Variants in PPARGC1A observed in about 807,000 individuals in gnomAD.
PPARGC1A encodes peroxisome proliferator-activated receptor gamma coactivator 1-alpha.
Under a neutral mutation model 88.7 loss-of-function variants are expected in PPARGC1A, and 25 were observed. That is an observed-to-expected ratio of 0.28 (90% confidence interval 0.21 to 0.39). PPARGC1A has a LOEUF of 0.39. Among genes scored for constraint, PPARGC1A ranks in the 10% least tolerant of loss-of-function variants. The pLI is 1.00. For synonymous variants in PPARGC1A, 363 were observed against 355.6 expected (o/e 1.02, Z -0.24); for missense variants, 880 against 968.7 (o/e 0.91, Z 1.22).
At chr4:24,252,737 T>C in the PPARGC1A span, among the ~76,000 whole-genome samples, 2 of 152,208 alleles carry the variant, frequency 1.3e-5, no homozygotes, top group African/African-American at 4.8e-5. Flanking sequence ...TGGGCTTCCA[T>C]AGAGAACATT....
the PPARGC1A span, among the ~76,000 whole-genome samples, chr4:24,053,843 C>T: frequency 1.8e-4 from 27 of 152,130 alleles, no homozygotes; most frequent in African/African-American, 6.3e-4. Flanking sequence ...TTATTTAAAA[C>T]ATATTATCCT....
the PPARGC1A span, among the ~76,000 whole-genome samples, chr4:24,134,234 G>C: frequency 6.6e-6 from 1 of 152,174 alleles, no homozygotes; most frequent in East Asian, 1.9e-4. Context: ...AGAATTAAGG[G>C]AAATACAAAT....
At chr4:24,037,149 G>T in the PPARGC1A span, among the ~76,000 whole-genome samples, 1 of 152,160 alleles carries the variant, frequency 6.6e-6, no homozygotes, top group Non-Finnish European at 1.5e-5. Flanking sequence ...TCTGAAGTCA[G>T]AAAAACCTTC....
chr4:23,835,263 A>G (rs1289052230), intron 2 of PPARGC1A, among the ~76,000 whole-genome samples: 1 of 152,228 alleles, frequency 6.6e-6, no homozygotes, highest in Non-Finnish European at 1.5e-5. Flanking sequence ...ACGACAAAGA[A>G]CACTTAAATC....
chr4:23,970,276 C>T, the PPARGC1A span, among the ~76,000 whole-genome samples: 9 of 152,192 alleles, frequency 5.9e-5, no homozygotes, highest in Non-Finnish European at 1.3e-4. Context: ...GCAAGCAAAA[C>T]TTGGCCTGCT....
At chr4:24,387,783 A>AGAAG in the PPARGC1A span, among the ~76,000 whole-genome samples, 1 of 89,340 alleles carries the variant, frequency 1.1e-5, no homozygotes, top group Non-Finnish European at 2.4e-5. Flanking sequence ...AAAGAAAGAA[A>AGAAG]GAAAGAAAGA....
the PPARGC1A span, among the ~76,000 whole-genome samples, chr4:24,156,567 C>T: frequency 1.1e-4 from 17 of 152,200 alleles, no homozygotes; most frequent in Admixed American, 8.5e-4. Context: ...AGAGTATATG[C>T]ATTTTTTTGC....
the PPARGC1A span, among the ~76,000 whole-genome samples, chr4:24,043,308 C>T: frequency 6.6e-6 from 1 of 152,120 alleles, no homozygotes; most frequent in African/African-American, 2.4e-5. Context: ...CTGATCATCC[C>T]CCTTCCAACT....
chr4:23,837,507 C>A (rs928345401), intron 2 of PPARGC1A, among the ~76,000 whole-genome samples: 1 of 152,010 alleles, frequency 6.6e-6, no homozygotes, highest in Non-Finnish European at 1.5e-5. Flanking sequence ...GTTCTTTGAA[C>A]AGGATCTACC....
At chr4:24,217,366 T>C in the PPARGC1A span, among the ~76,000 whole-genome samples, 1 of 152,208 alleles carries the variant, frequency 6.6e-6, no homozygotes, top group Non-Finnish European at 1.5e-5. Context: ...CATACCGTCA[T>C]AGAAGTGGGC....
At chr4:24,371,252 G>A in the PPARGC1A span, among the ~76,000 whole-genome samples, 1 of 152,158 alleles carries the variant, frequency 6.6e-6, no homozygotes, top group South Asian at 2.1e-4. Context: ...ACATGTGCAT[G>A]TGTCTTTATA....
the PPARGC1A span, among the ~76,000 whole-genome samples, chr4:23,961,881 G>T: frequency 6.6e-6 from 1 of 152,128 alleles, no homozygotes; most frequent in South Asian, 2.1e-4. Context: ...GGTGACACCA[G>T]CCCTAAAGGT....
chr4:23,895,946 G>A (rs1455708175), intron 1 of PPARGC1A, among the ~76,000 whole-genome samples: 1 of 44,886 alleles, frequency 2.2e-5, no homozygotes, highest in Non-Finnish European at 4.6e-5. Flanking sequence ...ATGTGTGTGT[G>A]TGTGTGTGTG....
chr4:23,967,204 T>C, the PPARGC1A span, among the ~76,000 whole-genome samples: 8 of 152,284 alleles, frequency 5.3e-5, no homozygotes, highest in Non-Finnish European at 7.4e-5. Context: ...GCCTACACTC[T>C]GTGCAGCAAA....
chr4:23,949,081 C>T, the PPARGC1A span, among the ~76,000 whole-genome samples: 872 of 152,234 alleles, frequency 5.7e-3, 6 homozygotes, highest in Admixed American at 9.4e-3. Context: ...AGCTTCATAG[C>T]ACAGCACTGA....
the PPARGC1A span, among the ~76,000 whole-genome samples, chr4:24,371,676 C>T: frequency 2.0e-5 from 3 of 151,786 alleles, no homozygotes; most frequent in Non-Finnish European, 2.9e-5. Context: ...CGCGGTGGCT[C>T]ATGCCTGTAA....
chr4:23,924,360 C>T, the PPARGC1A span, among the ~76,000 whole-genome samples: 1 of 152,160 alleles, frequency 6.6e-6, no homozygotes, highest in Non-Finnish European at 1.5e-5. Context: ...AGGCGTGGTG[C>T]CTCGTGTCTG....
At chr4:24,315,342 A>C in the PPARGC1A span, among the ~76,000 whole-genome samples, 1 of 152,182 alleles carries the variant, frequency 6.6e-6, no homozygotes, top group East Asian at 1.9e-4. Context: ...TAAGCCATGT[A>C]TCTGCTATCT....
chr4:24,367,268 A>G, the PPARGC1A span, among the ~76,000 whole-genome samples: 43 of 152,330 alleles, frequency 2.8e-4, no homozygotes, highest in African/African-American at 1.0e-3. Flanking sequence ...CATTTCCACC[A>G]TCAGAGAAAT....
Sources: allele counts gnomAD v4.1 joint callset (sites outside exome capture counted in the v4.1 genomes callset), GRCh38; gene constraint gnomAD v4.1.1; transcripts MANE v1.5; gene names NCBI Gene and HGNC (gene_info 2026-07-23, HGNC 2026-07-21).